XRN2: variants seen among roughly 807,000 people sequenced by gnomAD.
The protein encoded by XRN2 is DHM1-like protein.
In XRN2, 44 loss-of-function variants were observed where a neutral mutation model predicts 138.5. The ratio of observed to expected loss-of-function variants is 0.32; its 90% CI spans 0.25 to 0.41. The LOEUF is 0.41. Ranked by LOEUF, XRN2 falls within the 10% of genes least tolerant of loss-of-function variation. The probability of loss-of-function intolerance (pLI) is 1.00; values close to 1 mark genes in which losing one functional copy is unlikely to be tolerated. For missense variants in XRN2, 937 were observed against 1,169.3 expected, an observed-to-expected ratio of 0.80 and a Z score of 2.90; for synonymous variants, 354 against 369.4, an observed-to-expected ratio of 0.96 and a Z score of 0.48.
At position 21,333,833 on chromosome 20, in the gene XRN2, A is replaced by G. The variant is rs572345522; in HGVS notation, c.1063A>G (p.Ile355Val). The change falls in exon 11 of 30, where the codon ATT (isoleucine) becomes GTT (valine). Residue 355 changes from isoleucine to valine, a missense_variant. Around this residue, in one of 6 missense-constraint regions of XRN2, gnomAD observed 471 missense variants for 581.2 expected, o/e 0.81. Coordinates refer to ENST00000377191, the MANE Select transcript of XRN2 (RefSeq NM_012255.5). ...DFLPHLPSLE[I>V]RENAIDRLVN... is the part of the protein sequence containing the mutation. ...CCTCCCTCATTTGCCATCGTTAGAG[A>G]TTAGGTATGTGCATTTGTGTAGCTT... is the stretch of plus-strand genomic sequence containing the variant. 1 of 1,614,006 alleles carries G rather than the reference A, an allele frequency of 6.2e-7. No homozygotes were observed. Among genetic ancestry groups the G allele is most frequent in the East Asian group, 2.2e-5 (1 of 44,858 alleles).
chr20:21,333,619 G>T lies in XRN2; in HGVS notation c.933+1G>T, dbSNP rs1267518903. The T allele has an allele frequency of 6.2e-7, 1 of 1,613,804 alleles. No homozygotes were observed. The highest frequency in any genetic ancestry group is 8.5e-7 in the Non-Finnish European group (1 of 1,179,708). On this transcript the variant is annotated splice_donor_variant, in intron 10 of 29. Coordinates refer to ENST00000377191, the MANE Select transcript of XRN2 (RefSeq NM_012255.5). LOFTEE classifies it high-confidence loss of function. Reference sequence around the variant, plus strand: ...CCTTCGGCTTAATGTTCTTCGTGAGGTATGTAGCAATAATCATTGAAATCA... The same window carrying T: ...CCTTCGGCTTAATGTTCTTCGTGAGTTATGTAGCAATAATCATTGAAATCA...
chr20:21,336,854 C>T (rs1043248195), intron 13 of XRN2, among the ~76,000 whole-genome samples: 3 of 152,158 alleles, frequency 2.0e-5, no homozygotes, highest in African/African-American at 4.8e-5. Context: ...GACAGCTGAC[C>T]TTGATTAAAG....
intron 15 of XRN2, among the ~76,000 whole-genome samples, chr20:21,342,792 TTAAG>T (rs1406794359): frequency 6.6e-6 from 1 of 152,192 alleles, no homozygotes; most frequent in Admixed American, 6.5e-5. Flanking sequence ...CTCACAGAGG[TTAAG>T]TAATAAATTG....
At chr20:21,342,958 T>C (rs1426791526) in intron 15 of XRN2, among the ~76,000 whole-genome samples, 1 of 152,212 alleles carries the variant, frequency 6.6e-6, no homozygotes, top group Non-Finnish European at 1.5e-5. Flanking sequence ...ATATTGTCTG[T>C]ACCTTTTCAT....
chr20:21,337,319 T>A (rs527987987), intron 13 of XRN2, among the ~76,000 whole-genome samples: 5 of 152,044 alleles, frequency 3.3e-5, no homozygotes, highest in Non-Finnish European at 4.4e-5. Flanking sequence ...TCTGAACATG[T>A]TTTGAAGGTA....
intron 23 of XRN2, among the ~76,000 whole-genome samples, chr20:21,357,523 T>A (rs1318864469): frequency 6.6e-6 from 1 of 152,204 alleles, no homozygotes; most frequent in Non-Finnish European, 1.5e-5. Flanking sequence ...TGAGTACTAA[T>A]GAGATTGAAT....
chr20:21,363,629 T>C (rs2038662268), intron 24 of XRN2, among the ~76,000 whole-genome samples: 1 of 152,224 alleles, frequency 6.6e-6, no homozygotes, highest in Non-Finnish European at 1.5e-5. Flanking sequence ...GGTATATTTA[T>C]TGTAAGTGAA....
chr20:21,347,913 A>G (rs1342580984), intron 17 of XRN2, among the ~76,000 whole-genome samples: 2 of 152,234 alleles, frequency 1.3e-5, no homozygotes, highest in African/African-American at 4.8e-5. Context: ...TGATTTTTCA[A>G]AGATGCTTTG....
At chr20:21,331,912 A>AAGTT in intron 8 of XRN2, 94 bp downstream of exon 8, 1 of 1,377,828 alleles carries the variant, frequency 7.3e-7, no homozygotes, top group South Asian at 1.3e-5. Flanking sequence ...GGTTACCTGG[A>AAGTT]AGTTCCAAAA....
At chr20:21,314,277 T>C (rs202828) in intron 1 of XRN2, among the ~76,000 whole-genome samples, 20,926 of 152,262 alleles carry the variant, frequency 0.14, 1,784 homozygotes, top group Non-Finnish European at 0.19. Flanking sequence ...TATTATTTGC[T>C]TATGGCCAAA....
chr20:21,360,050 AC>A (rs369908542), intron 24 of XRN2, among the ~76,000 whole-genome samples: 4 of 152,074 alleles, frequency 2.6e-5, no homozygotes, highest in African/African-American at 9.7e-5. Flanking sequence ...TCGTAGACAG[AC>A]CCTTAGAGAA....
chr20:21,310,959 G>C (rs756946728), intron 1 of XRN2, among the ~76,000 whole-genome samples: 10 of 151,898 alleles, frequency 6.6e-5, no homozygotes, highest in Non-Finnish European at 1.0e-4. Context: ...CACTGTGTTA[G>C]CCAGGATGGT....
chr20:21,358,181 G>A (rs917854773), intron 24 of XRN2, among the ~76,000 whole-genome samples: 1 of 152,078 alleles, frequency 6.6e-6, no homozygotes, highest in Non-Finnish European at 1.5e-5. Flanking sequence ...TTATAATCAT[G>A]GCCCTGCAGA....
intron 1 of XRN2, among the ~76,000 whole-genome samples, chr20:21,310,784 G>T (rs202826): frequency 6.7e-6 from 1 of 150,132 alleles, no homozygotes; most frequent in African/African-American, 2.5e-5. Context: ...TTGCTGTGTC[G>T]CCCAGGCTGG....
At chr20:21,331,383 G>A (rs2038205013) in intron 6 of XRN2, among the ~76,000 whole-genome samples, 178 bp from the exon 7 acceptor site, 1 of 139,020 alleles carries the variant, frequency 7.2e-6, no homozygotes, top group Admixed American at 7.8e-5. Flanking sequence ...TTTCAGTGAA[G>A]TAGTTTTGGT....
At chr20:21,330,398 T>G (rs577615082) in intron 4 of XRN2, 83 bp from the exon 5 acceptor site, 2 of 1,444,084 alleles carry the variant, frequency 1.4e-6, no homozygotes, top group African/African-American at 2.9e-5. Context: ...AGTGGAACTT[T>G]TTGTTTTTGT....
intron 27 of XRN2, among the ~76,000 whole-genome samples, chr20:21,370,273 T>G (rs558699827): frequency 3.3e-5 from 5 of 152,348 alleles, no homozygotes; most frequent in Admixed American, 3.3e-4. Context: ...TAGTATAATT[T>G]GAAGTCAGGT....
chr20:21,338,412 A>C (rs894408640), intron 13 of XRN2, among the ~76,000 whole-genome samples: 30 of 152,300 alleles, frequency 2.0e-4, no homozygotes, highest in African/African-American at 6.7e-4. Context: ...TCTCCTGTGA[A>C]TTAAATTGGC....
intron 20 of XRN2, among the ~76,000 whole-genome samples, chr20:21,353,743 A>G (rs893063592): frequency 4.0e-5 from 6 of 151,406 alleles, no homozygotes; most frequent in Non-Finnish European, 5.9e-5. Context: ...TGCAGTGAGC[A>G]ATGATCGTGC....
Sources: gnomAD v4.1 joint callset for allele counts (sites outside exome capture counted in the v4.1 genomes callset) on GRCh38, gnomAD v4.1.1 for gene constraint, gnomAD v4.1.1 regional missense constraint, MANE v1.5 for transcripts, NCBI Gene and HGNC (gene_info 2026-07-23, HGNC 2026-07-21) for gene names.